The following CCDC30 variants were observed in gnomAD, a reference collection of about 807,000 sequenced individuals.
The protein encoded by CCDC30 is coiled-coil domain containing 30.
A neutral mutation model predicts 100.2 loss-of-function variants in CCDC30; 70 were observed. That is an observed-to-expected ratio of 0.70 (90% CI 0.58 to 0.85). The LOEUF is 0.85. Ranked by LOEUF, CCDC30 falls within the 40% of genes least tolerant of loss-of-function variation. The pLI is 0.00. For synonymous variants in CCDC30, 233 were observed against 269.5 expected, an observed-to-expected ratio of 0.86 and a Z score of 1.33; for missense variants, 652 against 771.2, an observed-to-expected ratio of 0.85 and a Z score of 1.83.
intron 12 of CCDC30, among the ~76,000 whole-genome samples, chr1:42,637,972 G>C (rs1224895232): frequency 6.6e-6 from 1 of 152,100 alleles, no homozygotes; most frequent in Non-Finnish European, 1.5e-5. Context: ...GGGGTCACTA[G>C]CCCTTTCAGA....
intron 4 of CCDC30, among the ~76,000 whole-genome samples, chr1:42,495,466 C>G (rs1029634329): frequency 6.6e-6 from 1 of 151,450 alleles, no homozygotes; most frequent in Non-Finnish European, 1.5e-5. Flanking sequence ...TGTAACTAAC[C>G]TGCACATTGT....
chr1:42,571,388 A>G (rs957093462), intron 7 of CCDC30: 1 of 152,158 alleles, frequency 6.6e-6, no homozygotes, highest in African/African-American at 2.4e-5. Context: ...GCTTTCTAAA[A>G]GGCTGGAGTG....
the CCDC30 span, chr1:42,456,489 G>T: frequency 7.2e-7 from 1 of 1,389,530 alleles, no homozygotes; most frequent in Non-Finnish European, 9.4e-7. Flanking sequence ...ACGGCGCGGC[G>T]CGTACACCAG....
At chr1:42,581,699 A>G (rs1645970683) in intron 9 of CCDC30, among the ~76,000 whole-genome samples, 185 bp downstream of exon 13, 2 of 152,172 alleles carry the variant, frequency 1.3e-5, no homozygotes, top group South Asian at 2.1e-4. Context: ...TTTATTTTCT[A>G]GTTTACCTCT....
intron 10 of CCDC30, among the ~76,000 whole-genome samples, chr1:42,603,067 C>T (rs1646435992): frequency 6.6e-6 from 1 of 152,176 alleles, no homozygotes; most frequent in Admixed American, 6.5e-5. Flanking sequence ...GTTTATGCTG[C>T]TATAACAAAA....
chr1:42,510,171 T>C (rs1319290476), intron 6 of CCDC30: 1 of 919,804 alleles, frequency 1.1e-6, no homozygotes, highest in Admixed American at 6.2e-5. Context: ...ACTGCCTCTC[T>C]TCCAATTGGG....
intron 11 of CCDC30, among the ~76,000 whole-genome samples, chr1:42,632,112 C>T (rs1412211907): frequency 6.6e-6 from 1 of 152,216 alleles, no homozygotes; most frequent in Non-Finnish European, 1.5e-5. Flanking sequence ...CTCAGAGTCT[C>T]ACCCAAGGCC....
the CCDC30 span, among the ~76,000 whole-genome samples, chr1:42,457,880 A>G: frequency 6.7e-6 from 1 of 149,672 alleles, no homozygotes; most frequent in African/African-American, 2.5e-5. Flanking sequence ...GCTTGAAACC[A>G]GGAGGCGGAG....
chr1:42,647,504 C>T (rs1007343120), intron 15 of CCDC30, among the ~76,000 whole-genome samples: 32 of 152,154 alleles, frequency 2.1e-4, no homozygotes, highest in African/African-American at 7.5e-4. Context: ...CTTTAACACC[C>T]AACTCTCCAT....
chr1:42,619,592 G>C (rs1646791337), intron 11 of CCDC30, among the ~76,000 whole-genome samples: 2 of 146,532 alleles, frequency 1.4e-5, no homozygotes, highest in Non-Finnish European at 3.1e-5. Flanking sequence ...AGAAGAGGAG[G>C]CCTCCCTAGC....
intron 11 of CCDC30, among the ~76,000 whole-genome samples, chr1:42,628,491 A>G (rs1646973039): frequency 6.6e-6 from 1 of 152,070 alleles, no homozygotes; most frequent in South Asian, 2.1e-4. Context: ...GCAGAATGAT[A>G]TGGTTTGGCT....
At chr1:42,591,977 G>T (rs1437997073) in intron 10 of CCDC30, 1 of 152,236 alleles carries the variant, frequency 6.6e-6, no homozygotes. Context: ...CTTGCATGGG[G>T]CCTATTGACT....
In CCDC30 at chr1:42,515,924, G is replaced by A. The variant is rs376325492; in HGVS notation, c.456+17008G>A. ...AAGGCTGAATCATATTGCATTGAAT[G>A]TATATACCACATTTTGCTGATCTAT... On this transcript the variant is annotated intron_variant, in intron 6 of 16. Coordinates refer to ENST00000668663, the Ensembl canonical transcript of CCDC30. Among the ~76,000 whole-genome samples, 26 of 152,308 alleles carry A rather than the reference G, an allele frequency of 1.7e-4. No homozygotes were observed. In the East Asian group the frequency reaches 3.7e-3, roughly 21 times the overall value.
chr1:42,464,394 A>G (rs890339969), intron 1 of CCDC30, among the ~76,000 whole-genome samples: 1 of 152,232 alleles, frequency 6.6e-6, no homozygotes, highest in Non-Finnish European at 1.5e-5. Flanking sequence ...GTGATCATGT[A>G]AGACAGGATT....
intron 3 of CCDC30, among the ~76,000 whole-genome samples, chr1:42,483,218 T>C (rs995766361): frequency 6.6e-6 from 1 of 152,226 alleles, no homozygotes; most frequent in African/African-American, 2.4e-5. Context: ...TTCATTTTGT[T>C]ACACGTAGCA....
intron 6 of CCDC30, among the ~76,000 whole-genome samples, chr1:42,540,681 A>T (rs1644995945): frequency 6.6e-6 from 1 of 151,088 alleles, no homozygotes; most frequent in Non-Finnish European, 1.5e-5. Context: ...ACACATACAC[A>T]CACACACACA....
chr1:42,589,445 C>T, exon 10 of CCDC30: 4 of 1,613,852 alleles, frequency 2.5e-6, no homozygotes, highest in Non-Finnish European at 3.4e-6. Context: ...AGAGGCCCTA[C>T]TTAAACAACT....
chr1:42,565,783 A>G (rs2148564330), intron 6 of CCDC30, among the ~76,000 whole-genome samples: 1 of 152,260 alleles, frequency 6.6e-6, no homozygotes, highest in African/African-American at 2.4e-5. Context: ...TTCATCCTTG[A>G]AAGAATGTGT....
intron 6 of CCDC30, among the ~76,000 whole-genome samples, chr1:42,546,425 TATATATATATATATATAG>T (rs1557843189): frequency 2.2e-4 from 19 of 85,782 alleles, no homozygotes; most frequent in South Asian, 4.3e-4. Flanking sequence ...TATATATATA[TATATATATATATATATAG>T]TATTCTAATA....
Sources: allele counts gnomAD v4.1 joint callset (sites outside exome capture counted in the v4.1 genomes callset), GRCh38; gene constraint gnomAD v4.1.1; transcripts MANE v1.5; gene names NCBI Gene and HGNC (gene_info 2026-07-23, HGNC 2026-07-21).